Variants in LMCD1 observed in about 807,000 individuals in gnomAD.
The protein encoded by LMCD1 is LIM and cysteine-rich domains protein 1.
Under a neutral mutation model 42.7 loss-of-function variants are expected in LMCD1, and 32 were observed. The ratio of observed to expected loss-of-function variants is 0.75; its 90% CI spans 0.57 to 1.01. The LOEUF (loss-of-function observed/expected upper bound fraction) is 1.01, where lower values mean the gene tolerates loss of function less well. LMCD1 is among the 50% of genes least tolerant of loss of function. The pLI, the probability that LMCD1 is intolerant of heterozygous loss-of-function variation, is 0.00. For missense variants in LMCD1, 458 were observed against 483.1 expected (o/e 0.95, Z 0.49); for synonymous variants, 178 against 184.9 (o/e 0.96, Z 0.30).
rs376511502 is a variant in LMCD1 at position 8,520,895 on chromosome 3, A to G, written c.43-11842A>G. 3.3e-4 allele frequency among the ~76,000 whole-genome samples: 51 copies of G among 152,358 alleles called. No individual in the cohort carries two copies. The East Asian group carries it at 4.6e-3, about 14-fold the overall frequency. On this transcript the variant is annotated intron_variant, in intron 1 of 5. Transcript: ENST00000157600. ...CATCCTCTCACTGACTGAATTAAGC[A>G]GGTAGCCCCTCAAATAACGGGCTGA...
intron 3 of LMCD1, among the ~76,000 whole-genome samples, chr3:8,547,736 CA>C (rs201775580): frequency 0.2 from 16,921 of 85,280 alleles, 1,112 homozygotes; most frequent in South Asian, 0.35. Context: ...ACTAAAAATA[CA>C]AAAAAATTAG....
intron 3 of LMCD1, among the ~76,000 whole-genome samples, chr3:8,544,703 C>T (rs1694700015): frequency 6.6e-6 from 1 of 152,200 alleles, no homozygotes; most frequent in Non-Finnish European, 1.5e-5. Context: ...TGCATTTCAG[C>T]ATGAATTTCC....
chr3:8,524,246 T>C (rs1236660143), intron 1 of LMCD1, among the ~76,000 whole-genome samples: 1 of 151,662 alleles, frequency 6.6e-6, no homozygotes, highest in African/African-American at 2.4e-5. Context: ...TTGCAACCAT[T>C]TGGGTGTTGC....
In LMCD1 at chr3:8,569,980, CA is replaced by C. The variant is rs57776112; in HGVS notation, c.*2397del. On this transcript the variant is annotated 3_prime_UTR_variant, in exon 6 of 6. Coordinates refer to ENST00000157600, the MANE Select transcript of LMCD1 (RefSeq NM_014583.4). ...GGGTGACAGAGTGAGACCCTGTTTC[CA>C]AAAAAAAAAAAAAAGGATAGGTTGC... 3.7e-3 allele frequency: 517 copies of C among 138,468 alleles called. 3 individuals are homozygous for C. The highest frequency in any genetic ancestry group is 8.2e-3 in the African/African-American group (292 of 35,528). The allele number at this position is 138,468 out of a possible 1,614,324, so 8.6% of individuals were successfully genotyped here.
chr3:8,564,754 A>G (rs1337188618), intron 4 of LMCD1, among the ~76,000 whole-genome samples: 1 of 152,230 alleles, frequency 6.6e-6, no homozygotes, highest in Non-Finnish European at 1.5e-5. Context: ...TTACTGTAGT[A>G]TCAAAGAAGA....
intron 1 of LMCD1, among the ~76,000 whole-genome samples, chr3:8,512,057 A>G (rs920983278): frequency 1.3e-5 from 2 of 152,254 alleles, no homozygotes; most frequent in Non-Finnish European, 2.9e-5. Flanking sequence ...GAGATCCAGC[A>G]CATGGCACAT....
chr3:8,502,321 T>TTATATAAAATA (rs1553604871), intron 1 of LMCD1, among the ~76,000 whole-genome samples: 1 of 25,760 alleles, frequency 3.9e-5, no homozygotes, highest in African/African-American at 1.9e-4. Flanking sequence ...AAAATATATA[T>TTATATAAAATA]TATATATAAT....
Position 8,546,717 on chromosome 3 carries a change from GAA to G in LMCD1, c.388-1850_388-1849del, listed in dbSNP as rs543146319. ...CAGTGCTGCTTGTAAGAACAGGAAA[GAA>G]GAGAGAGGGCTTTTCCTTCCAGGGG... On this transcript the variant is annotated intron_variant, in intron 3 of 5. Transcript: ENST00000157600. 3.5e-4 allele frequency among the ~76,000 whole-genome samples: 54 copies of G among 152,316 alleles called. 1 individual carries two copies. In the East Asian group the frequency reaches 8.3e-3, roughly 23 times the overall value.
At chr3:8,545,202 AGCGATTTTAGACAAG>A (rs1418499446) in intron 3 of LMCD1, among the ~76,000 whole-genome samples, 1 of 152,206 alleles carries the variant, frequency 6.6e-6, no homozygotes, top group Non-Finnish European at 1.5e-5. Context: ...TCTAAGAAAA[AGCGATTTTAGACAAG>A]GTTGACTTTT....
At chr3:8,510,147 G>A (rs1023544623) in intron 1 of LMCD1, among the ~76,000 whole-genome samples, 4 of 152,164 alleles carry the variant, frequency 2.6e-5, no homozygotes, top group South Asian at 2.1e-4. Flanking sequence ...ACTCAGTGGC[G>A]TTTCTAGGTA....
At chr3:8,537,628 G>A (rs1179965552) in intron 3 of LMCD1, 188 bp downstream of exon 3, 1 of 596,540 alleles carries the variant, frequency 1.7e-6, no homozygotes, top group Admixed American at 3.3e-5. Context: ...CTGGGCCTCG[G>A]TTTTCCTTAT....
intron 4 of LMCD1, among the ~76,000 whole-genome samples, chr3:8,553,456 C>A (rs1217099306): frequency 6.6e-6 from 1 of 152,198 alleles, no homozygotes; most frequent in Non-Finnish European, 1.5e-5. Context: ...TGAGTGAGCC[C>A]AGATAACAGT....
chr3:8,543,746 A>G (rs1297263218), intron 3 of LMCD1, among the ~76,000 whole-genome samples: 1 of 152,150 alleles, frequency 6.6e-6, no homozygotes, highest in African/African-American at 2.4e-5. Flanking sequence ...GATTACAGGC[A>G]TGTGCCACCG....
chr3:8,524,524 C>T (rs891827702), intron 1 of LMCD1, among the ~76,000 whole-genome samples: 3 of 152,198 alleles, frequency 2.0e-5, no homozygotes, highest in Non-Finnish European at 2.9e-5. Flanking sequence ...GCTGAAATGA[C>T]AACAATAAAA....
At chr3:8,506,854 C>T (rs1439350350) in intron 1 of LMCD1, among the ~76,000 whole-genome samples, 2 of 152,212 alleles carry the variant, frequency 1.3e-5, no homozygotes, top group South Asian at 4.1e-4. Context: ...AACCAGGGTT[C>T]CTTCTGCCTC....
rs567244712 is a variant in LMCD1 at position 8,505,274 on chromosome 3, C to T, written c.42+3294C>T. On this transcript the variant is annotated intron_variant, in intron 1 of 5. Transcript: ENST00000157600. The stretch of plus-strand genomic sequence containing the variant: ...AGCTTTGACAAGCTAAGACAATGAC[C>T]AAATGCTGTTGCCTTCATTCTCACC... Among the ~76,000 whole-genome samples, 18 of 152,308 alleles carry T rather than the reference C, an allele frequency of 1.2e-4. 1 individual carries two copies. The highest frequency in any genetic ancestry group is 4.3e-4 in the African/African-American group (18 of 41,548).
At chr3:8,549,003 T>A in intron 4 of LMCD1, 100 bp downstream of exon 4, 9 of 854,500 alleles carry the variant, frequency 1.1e-5, no homozygotes, top group South Asian at 5.2e-5. Flanking sequence ...ATTCATGCAT[T>A]TATTCATGAA....
intron 4 of LMCD1, among the ~76,000 whole-genome samples, chr3:8,558,204 G>T (rs975670482): frequency 6.6e-6 from 1 of 152,222 alleles, no homozygotes; most frequent in Non-Finnish European, 1.5e-5. Context: ...TTCTATGTTG[G>T]TTGGAAGGGT....
chr3:8,501,874 C>A lies in LMCD1; in HGVS notation c.-65C>A. 1 of 1,488,554 alleles carries A rather than the reference C, an allele frequency of 6.7e-7. No homozygotes were observed. The highest frequency in any genetic ancestry group is 9.2e-7 in the Non-Finnish European group (1 of 1,092,186). The allele number at this position is 1,488,554 out of a possible 1,614,324, so 92.2% of individuals were successfully genotyped here. ...AACTTGGCCATTCAGCCGCCGCTGT[C>A]CCCGCTGCGCGCCCTCGCGCCTCTG... On this transcript the variant is annotated 5_prime_UTR_variant, in exon 1 of 6. Coordinates refer to ENST00000157600, the MANE Select transcript of LMCD1 (RefSeq NM_014583.4).
Sources: allele counts gnomAD v4.1 joint callset (sites outside exome capture counted in the v4.1 genomes callset), GRCh38; gene constraint gnomAD v4.1.1; transcripts MANE v1.5; gene names NCBI Gene and HGNC (gene_info 2026-07-23, HGNC 2026-07-21).